Variants in INPP4B observed in about 807,000 individuals in gnomAD.
The protein encoded by INPP4B is inositol polyphosphate 4-phosphatase type II.
Under a neutral mutation model 122.5 loss-of-function variants are expected in INPP4B, and 55 were observed. That is an observed-to-expected ratio of 0.45 (90% confidence interval 0.36 to 0.56). The LOEUF (loss-of-function observed/expected upper bound fraction) is 0.56, where lower values mean the gene tolerates loss of function less well. INPP4B is among the 20% of genes least tolerant of loss of function. INPP4B has a pLI of 0.00. For missense variants in INPP4B, 1,000 were observed against 1,097.7 expected, an observed-to-expected ratio of 0.91 and a Z score of 1.26; for synonymous variants, 403 against 388.7, an observed-to-expected ratio of 1.04 and a Z score of -0.43.
intron 2 of INPP4B, among the ~76,000 whole-genome samples, chr4:142,601,784 A>G (rs1264834083): frequency 6.6e-6 from 1 of 151,890 alleles, no homozygotes; most frequent in African/African-American, 2.4e-5. Context: ...CCTGGCTAAC[A>G]TGGTGAAACC....
At chr4:142,379,112 C>T (rs998029813) in intron 7 of INPP4B, among the ~76,000 whole-genome samples, 6 of 152,052 alleles carry the variant, frequency 3.9e-5, no homozygotes, top group African/African-American at 1.2e-4. Flanking sequence ...CCCAAAATGG[C>T]AATTTTTTAA....
chr4:142,765,589 G>A (rs1771994686), intron 1 of INPP4B, among the ~76,000 whole-genome samples: 2 of 152,148 alleles, frequency 1.3e-5, no homozygotes, highest in South Asian at 4.1e-4. Flanking sequence ...AAATTTGCTT[G>A]AAGATAAAAT....
chr4:142,422,057 G>A (rs1306028928), intron 5 of INPP4B, among the ~76,000 whole-genome samples: 5 of 152,022 alleles, frequency 3.3e-5, no homozygotes, highest in Admixed American at 2.0e-4. Context: ...AACGTAGACC[G>A]TTGAGAATCT....
At chr4:142,446,226 T>C (rs2149476037) in intron 3 of INPP4B, among the ~76,000 whole-genome samples, 1 of 151,622 alleles carries the variant, frequency 6.6e-6, no homozygotes, top group South Asian at 2.1e-4. Context: ...GTAAAAACAA[T>C]GGGAAAAAAA....
At chr4:142,781,868 CT>C (rs35937875) in intron 1 of INPP4B, among the ~76,000 whole-genome samples, 4,412 of 152,106 alleles carry the variant, frequency 0.029, 73 homozygotes, top group South Asian at 0.05. Context: ...AATTACTGCC[CT>C]TTAAAGAATT....
At position 142,122,244 on chromosome 4, in the gene INPP4B, G is replaced by A. The variant is rs34561493; in HGVS notation, c.2019C>T (p.Ser673=). The A allele has an allele frequency of 0.075, 119,853 of 1,603,738 alleles. 4,646 individuals carry two copies. The highest frequency in any genetic ancestry group is 0.11 in the Middle Eastern group (639 of 6,030). Residue 673 remains serine, a splice_region_variant and synonymous_variant, in exon 21 of 26, where the codon AGC becomes AGT. Transcript: ENST00000262992. ...VQYEGLLSTY[S]DEIGMLEDMA... The stretch of plus-strand genomic sequence containing the variant: ...TGTCCTCTAGCATTCCAATTTCATC[G>A]CCTAAACAATAGAAAAGGCACTTAG...
intron 5 of INPP4B, among the ~76,000 whole-genome samples, chr4:142,408,525 C>A (rs1056270124): frequency 8.5e-5 from 13 of 152,118 alleles, no homozygotes; most frequent in Non-Finnish European, 1.6e-4. Context: ...TGCACTCCAG[C>A]CTGGGTGACA....
intron 5 of INPP4B, 63 bp downstream of exon 5, chr4:142,429,110 T>A: frequency 1.1e-6 from 1 of 876,544 alleles, no homozygotes; most frequent in South Asian, 1.6e-5. Flanking sequence ...AATCTACCTA[T>A]ACTTTGCAAA....
At chr4:142,198,029 T>C (rs916386628) in intron 14 of INPP4B, among the ~76,000 whole-genome samples, 4 of 152,144 alleles carry the variant, frequency 2.6e-5, no homozygotes, top group East Asian at 1.9e-4. Context: ...TGTGTTCACA[T>C]TGTAGATGTT....
intron 25 of INPP4B, among the ~76,000 whole-genome samples, chr4:142,031,687 G>T (rs1252800043): frequency 6.6e-6 from 1 of 152,162 alleles, no homozygotes; most frequent in Admixed American, 6.6e-5. Context: ...ACACCAGGTA[G>T]AAAATGTACA....
intron 22 of INPP4B, among the ~76,000 whole-genome samples, chr4:142,111,906 G>T (rs1790338743): frequency 6.6e-6 from 1 of 151,326 alleles, no homozygotes; most frequent in African/African-American, 2.4e-5. Flanking sequence ...ACCACGCCTG[G>T]CTAATTTTTG....
intron 25 of INPP4B, among the ~76,000 whole-genome samples, chr4:142,075,008 A>G (rs1311397893): frequency 6.6e-6 from 1 of 152,026 alleles, no homozygotes; most frequent in African/African-American, 2.4e-5. Flanking sequence ...AATAATGAAC[A>G]CTTTCTATGC....
chr4:142,270,801 A>C, intron 9 of INPP4B, 27 bp from the exon 10 acceptor site: 1 of 1,465,218 alleles, frequency 6.8e-7, no homozygotes, highest in Non-Finnish European at 9.6e-7. Context: ...ACGAAATGGA[A>C]AGGTAAGAAG....
At chr4:142,136,320 C>G (rs755591883) in intron 18 of INPP4B, among the ~76,000 whole-genome samples, 27 of 152,126 alleles carry the variant, frequency 1.8e-4, no homozygotes, top group Admixed American at 2.0e-4. Flanking sequence ...CTCCAAGGCC[C>G]GGGTACAGGC....
chr4:142,605,674 G>C (rs577012018), intron 2 of INPP4B, among the ~76,000 whole-genome samples: 8 of 151,896 alleles, frequency 5.3e-5, no homozygotes, highest in Non-Finnish European at 1.2e-4. Context: ...AAAGATATAT[G>C]AGAAAATGTT....
At chr4:142,753,380 T>C (rs2150954768) in intron 1 of INPP4B, among the ~76,000 whole-genome samples, 1 of 152,208 alleles carries the variant, frequency 6.6e-6, no homozygotes, top group East Asian at 1.9e-4. Context: ...TAGCTTGATA[T>C]TGTTGGATTA....
intron 25 of INPP4B, among the ~76,000 whole-genome samples, chr4:142,072,505 A>G: frequency 6.6e-6 from 1 of 151,410 alleles, no homozygotes; most frequent in Admixed American, 6.6e-5. Context: ...ATAAAAGAGA[A>G]CCAATGCAAC....
At chr4:142,540,685 T>C (rs1828836386) in intron 2 of INPP4B, among the ~76,000 whole-genome samples, 1 of 152,186 alleles carries the variant, frequency 6.6e-6, no homozygotes, top group African/African-American at 2.4e-5. Context: ...GCTACGAATA[T>C]TCTAGGAATC....
At chr4:142,405,394 G>C in intron 5 of INPP4B, 70 bp from the exon 6 acceptor site, 1 of 953,992 alleles carries the variant, frequency 1.0e-6, no homozygotes, top group South Asian at 1.3e-5. Context: ...TCTGCGCCGG[G>C]CTGAAAGTGA....
Sources: gnomAD v4.1 joint callset for allele counts (sites outside exome capture counted in the v4.1 genomes callset) on GRCh38, gnomAD v4.1.1 for gene constraint, MANE v1.5 for transcripts, NCBI Gene and HGNC (gene_info 2026-07-23, HGNC 2026-07-21) for gene names.